Variants in DIP2A observed in about 807,000 individuals in gnomAD.
DIP2A encodes DIP2 acetate--CoA ligase A, also known as disco-interacting protein 2 homolog A.
A neutral mutation model predicts 177.4 loss-of-function variants in DIP2A; 85 were observed. The observed-to-expected ratio is 0.48, with a 90% CI of 0.40 to 0.57. The LOEUF (loss-of-function observed/expected upper bound fraction) is 0.57, where lower values mean the gene tolerates loss of function less well. Among genes scored for constraint, DIP2A ranks in the 20% least tolerant of loss-of-function variants. The pLI is 0.00. For synonymous variants in DIP2A, 886 were observed against 881.8 expected, an observed-to-expected ratio of 1.00 and a Z score of -0.08; for missense variants, 1,791 against 2,100.2, an observed-to-expected ratio of 0.85 and a Z score of 2.88.
At position 46,563,943 on chromosome 21, in the gene DIP2A, G is replaced by A. The variant is rs1040267487; in HGVS notation, c.4164+11G>A. ...TCACACCTGGGAGAGGTGAGCAGGGGCCCATGGGAGGGGCTTGAGCTCTCC... is the reference window on the plus strand; with the variant it reads ...TCACACCTGGGAGAGGTGAGCAGGGACCCATGGGAGGGGCTTGAGCTCTCC... On this transcript the variant is annotated intron_variant, in intron 35 of 37. Transcript: ENST00000417564. This position sits in a 1 kb window ranked among gnomAD's most constrained non-coding sequence, Gnocchi z 4.3. 12 of 1,612,028 alleles carry A rather than the reference G, an allele frequency of 7.4e-6. No homozygotes were observed. The highest frequency in any genetic ancestry group is 9.3e-6 in the Non-Finnish European group (11 of 1,179,478).
chr21:46,513,115 T>TC (rs1555890783), intron 8 of DIP2A, among the ~76,000 whole-genome samples: 8,083 of 151,690 alleles, frequency 0.053, 325 homozygotes, highest in Non-Finnish European at 0.084. Flanking sequence ...TGTTTTTTTT[T>TC]CCTGTATTGT....
intron 18 of DIP2A, among the ~76,000 whole-genome samples, chr21:46,544,178 C>G (rs1490123885): frequency 6.6e-6 from 1 of 151,712 alleles, no homozygotes; most frequent in Non-Finnish European, 1.5e-5. Context: ...TTGTGGGAGG[C>G]GAAGGCAGCA....
chr21:46,488,418 A>G (rs1302476539), intron 2 of DIP2A, among the ~76,000 whole-genome samples: 2 of 152,200 alleles, frequency 1.3e-5, no homozygotes, highest in Admixed American at 6.5e-5. Context: ...AGAACATTTC[A>G]GAATGACTGA....
chr21:46,478,400 T>C (rs892301414), intron 1 of DIP2A, among the ~76,000 whole-genome samples: 32 of 151,956 alleles, frequency 2.1e-4, no homozygotes, highest in African/African-American at 7.7e-4. Flanking sequence ...TTAGTAGAGA[T>C]AGGGTTTCTC....
intron 22 of DIP2A, 120 bp downstream of exon 22, chr21:46,550,005 A>C: frequency 6.5e-7 from 1 of 1,528,522 alleles, no homozygotes; most frequent in Non-Finnish European, 8.8e-7. Context: ...AGCTTTGTTT[A>C]TCTGTATTTT....
chr21:46,498,944 C>T lies in DIP2A; in HGVS notation c.655+111C>T. On this transcript the variant is annotated intron_variant, in intron 5 of 37. Transcript: ENST00000417564. This position sits in a 1 kb window ranked among gnomAD's most constrained non-coding sequence, Gnocchi z 4.3. Reference sequence around the variant, plus strand: ...GCCAGGCGCCACCCTGCAGACTTAGCTGCAGGCCTGAGTGCTCTCCAAGTG... The same window carrying T: ...GCCAGGCGCCACCCTGCAGACTTAGTTGCAGGCCTGAGTGCTCTCCAAGTG... The T allele has an allele frequency of 7.2e-7, 1 of 1,391,726 alleles. No homozygotes were observed. The highest frequency in any genetic ancestry group is 2.5e-5 in the East Asian group (1 of 39,786). 86.2% of individuals were successfully genotyped at this position (1,391,726 alleles called of 1,614,324 possible). A position where few individuals can be genotyped will look rare whatever the true frequency, so the allele number is the denominator to read the frequency against.
chr21:46,534,518 GT>G (rs2148773564), intron 12 of DIP2A, 66 bp from the exon 13 acceptor site: 10 of 1,446,258 alleles, frequency 6.9e-6, no homozygotes, highest in Non-Finnish European at 8.6e-6. Flanking sequence ...GATTCTACCA[GT>G]TTCCATTCTG....
rs201956099 is a variant in DIP2A, at chr21:46,565,745, G to T, written c.4197G>T (p.Gly1399=). 6 of 1,613,822 alleles carry T rather than the reference G, an allele frequency of 3.7e-6. No individual in the cohort carries two copies. The highest frequency in any genetic ancestry group is 1.3e-5 in the African/African-American group (1 of 74,918). The change falls in exon 36 of 38, where the codon GGG becomes GGT. Residue 1399 remains glycine, a synonymous_variant. Transcript: ENST00000417564. The part of the protein sequence containing the change: ...IWVSSPHNAT[G]YYTVYGEEAL... The stretch of plus-strand genomic sequence containing the variant: ...TAAGCAGCCCCCACAATGCCACCGG[G>T]TACTACACCGTTTACGGGGAGGAGG...
intron 3 of DIP2A, among the ~76,000 whole-genome samples, chr21:46,494,543 C>T (rs767238173): frequency 1.5e-4 from 23 of 152,182 alleles, no homozygotes; most frequent in Non-Finnish European, 2.2e-4. Context: ...CTTCTTCACT[C>T]AAAGGCCAGA....
At chr21:46,525,785 A>G (rs1402263556) in intron 8 of DIP2A, 1 of 151,898 alleles carries the variant, frequency 6.6e-6, no homozygotes, top group Non-Finnish European at 1.5e-5. Flanking sequence ...CCACTTTAGA[A>G]TGAGCTTATC....
the DIP2A span, among the ~76,000 whole-genome samples, chr21:46,578,251 G>T: frequency 0.11 from 16,015 of 152,236 alleles, 1,076 homozygotes; most frequent in African/African-American, 0.19. Context: ...GGCGGTGGTT[G>T]CAGTGAGCCA....
intron 6 of DIP2A, among the ~76,000 whole-genome samples, chr21:46,504,976 C>T (rs982418621): frequency 3.3e-5 from 5 of 152,246 alleles, no homozygotes; most frequent in Non-Finnish European, 7.3e-5. Flanking sequence ...GTGTAACTTT[C>T]ATAATGTCCT....
At position 46,537,221 on chromosome 21, in the gene DIP2A, C is replaced by T; in HGVS notation, c.1643-3C>T. On this transcript the variant is annotated splice_polypyrimidine_tract_variant and splice_region_variant and intron_variant, in intron 13 of 37. Transcript: ENST00000417564. The surrounding 1 kb of genome is among the most constrained non-coding windows in gnomAD (Gnocchi z 4.1). Reference sequence around the variant, plus strand: ...TGGTGTCACCTTCTTTGTCCACTTGCAGCTGAAACATTAACAAACGTGCTG... The same window carrying T: ...TGGTGTCACCTTCTTTGTCCACTTGTAGCTGAAACATTAACAAACGTGCTG... 6.2e-7 allele frequency: 1 copy of T among 1,613,976 alleles called. No homozygotes were observed.
rs1300178097 is a variant in DIP2A, at chr21:46,459,115, C to T, written c.-17C>T. 6.8e-6 allele frequency: 10 copies of T among 1,477,972 alleles called. No homozygotes were observed. In the African/African-American group the frequency reaches 1.0e-4, roughly 15 times the overall value. The allele number at this position is 1,477,972 out of a possible 1,614,324, so 91.6% of individuals were successfully genotyped here. A position where few individuals can be genotyped will look rare whatever the true frequency, so the allele number is the denominator to read the frequency against. ...GGTCCGGTTCCAGCCTCTGCCCGGA[C>T]GCTAGCCGGCCTGGCCATGGCTGAC... is the stretch of plus-strand genomic sequence containing the variant. On this transcript the variant is annotated 5_prime_UTR_variant, in exon 1 of 38. It adds an upstream start codon to the 5' untranslated region. Transcript: ENST00000417564.
At chr21:46,511,290 A>G (rs1404775225) in intron 7 of DIP2A, 127 bp from the exon 8 acceptor site, 12 of 1,072,060 alleles carry the variant, frequency 1.1e-5, no homozygotes, top group Non-Finnish European at 1.3e-5. Flanking sequence ...AAAAATCGAA[A>G]CAAATTATTG....
In DIP2A at chr21:46,545,939, G is replaced by T; in HGVS notation, c.2372G>T (p.Gly791Val). ...TTTGACAGGCCATTCACCAGGACAG[G>T]CCTGCTGGGCTTCATCGGGCCTGTG... The part of the protein sequence containing the change: ...PIFDRPFTRT[G>V]LLGFIGPDNL... Residue 791 changes from glycine to valine, a missense_variant, in exon 20 of 38, where the codon GGC (glycine) becomes GTC (valine). By Grantham distance (109) the Gly-to-Val change is moderately radical. Transcript: ENST00000417564. The T allele has an allele frequency of 6.2e-7, 1 of 1,614,016 alleles. No individual in the cohort carries two copies. Among genetic ancestry groups the T allele is most frequent in the Non-Finnish European group, 8.5e-7 (1 of 1,179,888 alleles).
intron 7 of DIP2A, among the ~76,000 whole-genome samples, chr21:46,510,995 G>A (rs1758700481): frequency 6.6e-6 from 1 of 152,128 alleles, no homozygotes; most frequent in Admixed American, 6.6e-5. Flanking sequence ...TGGATCCCTA[G>A]GCTGAAGTGG....
In DIP2A at chr21:46,477,574, T is replaced by TGTGTGTGTGTGTG. The variant is rs1292980032; in HGVS notation, c.92-7183_92-7182insGTGTGTGTGTGTG. ...GTGTGTGTGTGTGTGTGTGTATTTC[T>TGTGTGTGTGTGTG]TTTTTTTTTTTTTTCTTGAGTCAGA... On this transcript the variant is annotated intron_variant, in intron 1 of 37. Transcript: ENST00000417564. 5.9e-4 allele frequency among the ~76,000 whole-genome samples: 55 copies of TGTGTGTGTGTGTG among 93,722 alleles called. 1 individual carries two copies. The highest frequency in any genetic ancestry group is 9.9e-4 in the Admixed American group (9 of 9,136). 61.5% of individuals were successfully genotyped at this position (93,722 alleles called of 152,430 possible). A position where few individuals can be genotyped will look rare whatever the true frequency, so the allele number is the denominator to read the frequency against.
rs1208607346 is a variant in DIP2A at position 46,557,451 on chromosome 21, C to G, written c.3630-134C>G. 2 of 1,137,542 alleles carry G rather than the reference C, an allele frequency of 1.8e-6. No individual in the cohort carries two copies. The highest frequency in any genetic ancestry group is 2.4e-6 in the Non-Finnish European group (2 of 823,076). 70.5% of individuals were successfully genotyped at this position (1,137,542 alleles called of 1,614,324 possible). ...CCCTGTGGCATGTTTTCCACCAAAC[C>G]CCCCCACTTGGCGTCAGAACAGAAA... is the stretch of plus-strand genomic sequence containing the variant. On this transcript the variant is annotated intron_variant, in intron 30 of 37. Coordinates refer to ENST00000417564, the MANE Select transcript of DIP2A (RefSeq NM_015151.4). The surrounding 1 kb of genome is among the most constrained non-coding windows in gnomAD (Gnocchi z 6.0).
Sources: gnomAD v4.1 joint callset for allele counts (sites outside exome capture counted in the v4.1 genomes callset) on GRCh38, gnomAD v4.1.1 for gene constraint, Gnocchi (gnomAD v3.1) non-coding constraint, MANE v1.5 for transcripts, NCBI Gene and HGNC (gene_info 2026-07-23, HGNC 2026-07-21) for gene names.